The following DIS3L2 variants were observed in gnomAD, a reference collection of about 807,000 sequenced individuals.
DIS3L2 encodes DIS3-like exonuclease 2.
In DIS3L2, 34 loss-of-function variants were observed where a neutral mutation model predicts 97.5. That is an observed-to-expected ratio of 0.35 (90% CI 0.27 to 0.46). The LOEUF (loss-of-function observed/expected upper bound fraction) is 0.46, where lower values mean the gene tolerates loss of function less well. Ranked by LOEUF, DIS3L2 falls within the 20% of genes least tolerant of loss-of-function variation. DIS3L2 has a pLI of 1.00. For synonymous variants in DIS3L2, 435 were observed against 445.2 expected, an observed-to-expected ratio of 0.98 and a Z score of 0.29; for missense variants, 1,038 against 1,146.0, an observed-to-expected ratio of 0.91 and a Z score of 1.36.
intron 6 of DIS3L2, among the ~76,000 whole-genome samples, chr2:232,127,867 A>C (rs965743222): frequency 6.6e-6 from 1 of 152,078 alleles, no homozygotes; most frequent in African/African-American, 2.4e-5. Flanking sequence ...GTCTCAATTT[A>C]AATTCTTTCC....
intron 12 of DIS3L2, among the ~76,000 whole-genome samples, chr2:232,256,751 G>A (rs1247669708): frequency 1.3e-5 from 2 of 152,170 alleles, no homozygotes; most frequent in Admixed American, 6.5e-5. Flanking sequence ...AGGAGGCTGA[G>A]GCAGGAGGAT....
chr2:232,260,554 CCTTATAT>C (rs1432539917), intron 12 of DIS3L2: 1 of 152,114 alleles, frequency 6.6e-6, no homozygotes, highest in Non-Finnish European at 1.5e-5. Flanking sequence ...TATTTGAATC[CCTTATAT>C]CTTTGGATAG....
At chr2:231,991,585 A>G (rs1402126569) in intron 1 of DIS3L2, among the ~76,000 whole-genome samples, 3 of 152,188 alleles carry the variant, frequency 2.0e-5, no homozygotes, top group East Asian at 1.9e-4. Flanking sequence ...TGTCTTTTAA[A>G]TTTAGAGTTG....
intron 5 of DIS3L2, among the ~76,000 whole-genome samples, chr2:232,065,709 G>A (rs1695836783): frequency 6.6e-6 from 1 of 151,878 alleles, no homozygotes; most frequent in South Asian, 2.1e-4. Flanking sequence ...CTACTTCTAT[G>A]CATAAAGCCT....
intron 9 of DIS3L2, among the ~76,000 whole-genome samples, chr2:232,207,481 C>G (rs1418939325): frequency 6.6e-6 from 1 of 152,206 alleles, no homozygotes; most frequent in East Asian, 1.9e-4. Flanking sequence ...ATCAGTGTTT[C>G]TCTTCTCCTC....
intron 5 of DIS3L2, 96 bp from the exon 6 acceptor site, chr2:232,087,391 T>C: frequency 1.1e-6 from 1 of 881,666 alleles, no homozygotes; most frequent in South Asian, 1.8e-5. Flanking sequence ...TACCGTTAGC[T>C]TCTGAATATG....
At chr2:232,284,633 A>G (rs1559192287) in intron 13 of DIS3L2, among the ~76,000 whole-genome samples, 1 of 152,190 alleles carries the variant, frequency 6.6e-6, no homozygotes, top group East Asian at 1.9e-4. Context: ...CTAGGGATAC[A>G]TTGATGGACA....
chr2:232,027,363 G>A (rs1401204698), intron 4 of DIS3L2, among the ~76,000 whole-genome samples: 1 of 152,030 alleles, frequency 6.6e-6, no homozygotes, highest in Non-Finnish European at 1.5e-5. Flanking sequence ...TCAGAACCAG[G>A]GCCTAATTGT....
intron 13 of DIS3L2, among the ~76,000 whole-genome samples, chr2:232,280,886 G>A (rs527618162): frequency 6.6e-6 from 1 of 152,314 alleles, no homozygotes; most frequent in South Asian, 2.1e-4. Context: ...GTAGAAGCTG[G>A]CAGAAGATTC....
intron 6 of DIS3L2, among the ~76,000 whole-genome samples, chr2:232,113,272 G>T (rs1697593852): frequency 6.6e-6 from 1 of 152,158 alleles, no homozygotes; most frequent in African/African-American, 2.4e-5. Flanking sequence ...TTCTTTGTGG[G>T]CTATAAGTCT....
intron 1 of DIS3L2, among the ~76,000 whole-genome samples, chr2:231,966,174 T>TTC (rs1692707905): frequency 6.7e-6 from 1 of 148,534 alleles, no homozygotes; most frequent in East Asian, 2.0e-4. Context: ...TCTTCTTCTT[T>TTC]TTTTTTTTTT....
intron 1 of DIS3L2, among the ~76,000 whole-genome samples, chr2:231,994,922 C>T (rs1210423884): frequency 6.7e-6 from 1 of 148,482 alleles, no homozygotes; most frequent in East Asian, 2.0e-4. Flanking sequence ...AGGTGATTTT[C>T]TCACCTCAGC....
intron 1 of DIS3L2, among the ~76,000 whole-genome samples, chr2:231,975,635 G>A (rs1354675618): frequency 6.9e-6 from 1 of 145,832 alleles, no homozygotes; most frequent in East Asian, 2.1e-4. Flanking sequence ...AACCCAGGAC[G>A]CAGAGCTTGC....
intron 13 of DIS3L2, among the ~76,000 whole-genome samples, chr2:232,286,866 TG>T (rs1473200624): frequency 6.6e-6 from 1 of 152,146 alleles, no homozygotes. Context: ...CTGTAACCTC[TG>T]CCTTCCAGGT....
At chr2:232,243,722 CAAG>C (rs1225882790) in intron 11 of DIS3L2, among the ~76,000 whole-genome samples, 2 of 152,180 alleles carry the variant, frequency 1.3e-5, no homozygotes, top group Admixed American at 6.5e-5. Flanking sequence ...GCATATCACA[CAAG>C]AAGAAGTAGG....
chr2:232,047,421 C>T (rs935264315), intron 5 of DIS3L2, among the ~76,000 whole-genome samples: 1 of 152,114 alleles, frequency 6.6e-6, no homozygotes, highest in Non-Finnish European at 1.5e-5. Flanking sequence ...GAAAGATGAA[C>T]TGTTTTTTAA....
At chr2:232,065,997 G>A (rs1254960465) in intron 5 of DIS3L2, among the ~76,000 whole-genome samples, 1 of 151,508 alleles carries the variant, frequency 6.6e-6, no homozygotes, top group African/African-American at 2.4e-5. Flanking sequence ...TTTTGTATAT[G>A]TATATGTATA....
intron 7 of DIS3L2, among the ~76,000 whole-genome samples, chr2:232,134,726 G>A (rs1698310462): frequency 6.6e-6 from 1 of 152,166 alleles, no homozygotes; most frequent in South Asian, 2.1e-4. Flanking sequence ...CAGAAACTCA[G>A]GAGGCTAAGG....
chr2:231,999,196 G>A (rs1194938178), intron 1 of DIS3L2, among the ~76,000 whole-genome samples: 1 of 152,144 alleles, frequency 6.6e-6, no homozygotes, highest in Non-Finnish European at 1.5e-5. Flanking sequence ...ATAGGTGGAT[G>A]CACTATGCAT....
Sources: allele counts gnomAD v4.1 joint callset (sites outside exome capture counted in the v4.1 genomes callset), GRCh38; gene constraint gnomAD v4.1.1; transcripts MANE v1.5; gene names NCBI Gene and HGNC (gene_info 2026-07-23, HGNC 2026-07-21).